TOP3B: variants seen among roughly 807,000 people sequenced by gnomAD.
The protein encoded by TOP3B is DNA topoisomerase III beta.
In TOP3B, 45 loss-of-function variants were observed where a neutral mutation model predicts 93.9. The ratio of observed to expected loss-of-function variants is 0.48; its 90% CI spans 0.38 to 0.61. The LOEUF (loss-of-function observed/expected upper bound fraction) is 0.61. TOP3B is among the 20% of genes least tolerant of loss of function. The pLI is 0.00. For missense variants in TOP3B, 750 were observed against 1,156.1 expected (o/e 0.65, Z 5.09); for synonymous variants, 357 against 472.6 (o/e 0.76, Z 3.17).
rs759769214 is a variant in TOP3B at position 21,970,593 on chromosome 22, C to G, written c.385-187G>C. ...GACCCTCCTCTATCCCCCTGCCTTT[C>G]CAGAAGCCCTGAGCACTCCACAACA... On this transcript the variant is annotated intron_variant, in intron 5 of 17. Coordinates refer to ENST00000357179, the MANE Select transcript of TOP3B (RefSeq NM_001282112.2). The surrounding 1 kb of genome is among the most constrained non-coding windows in gnomAD (Gnocchi z 4.4). 7 of 636,370 alleles carry G rather than the reference C, an allele frequency of 1.1e-5. No homozygotes were observed. In the South Asian group the frequency reaches 1.3e-4, roughly 12 times the overall value. 39.4% of individuals were successfully genotyped at this position (636,370 alleles called of 1,614,324 possible).
chr22:21,958,720 G>A (rs2071036438), intron 16 of TOP3B, 27 bp from the exon 17 acceptor site: 3 of 1,574,574 alleles, frequency 1.9e-6, no homozygotes, highest in East Asian at 2.3e-5. Context: ...CAGGTGGCGT[G>A]AGGGTCACTG....
chr22:21,960,472 G>A (rs201443085), intron 13 of TOP3B, 23 bp from the exon 14 acceptor site: 7 of 1,612,412 alleles, frequency 4.3e-6, no homozygotes, highest in African/African-American at 4.0e-5. Flanking sequence ...AGGCCCCAGG[G>A]TTCCTGGCCT....
At position 21,971,647 on chromosome 22, in the gene TOP3B, T is replaced by C. The variant is rs1173134749; in HGVS notation, c.384+230A>G. On this transcript the variant is annotated intron_variant, in intron 5 of 17. Transcript: ENST00000357179. The surrounding 1 kb of genome is among the most constrained non-coding windows in gnomAD (Gnocchi z 4.6). Reference sequence around the variant, plus strand: ...ATTTGGCCCCTCCTATGTTCACTCATACCGTTGAGGCCTCAGCAAGCGGAG... The same window carrying C: ...ATTTGGCCCCTCCTATGTTCACTCACACCGTTGAGGCCTCAGCAAGCGGAG... 1.7e-6 allele frequency: 1 copy of C among 577,684 alleles called. No individual in the cohort carries two copies. The highest frequency in any genetic ancestry group is 3.2e-6 in the Non-Finnish European group (1 of 315,676). 35.8% of individuals were successfully genotyped at this position (577,684 alleles called of 1,614,324 possible). A position where few individuals can be genotyped will look rare whatever the true frequency, so the allele number is the denominator to read the frequency against.
intron 16 of TOP3B, 185 bp from the exon 17 acceptor site, chr22:21,958,878 T>C: frequency 8.9e-7 from 1 of 1,122,800 alleles, no homozygotes. Flanking sequence ...CTAAAATCTC[T>C]GTGTGTACAT....
chr22:21,979,765 C>T (rs780768219), intron 1 of TOP3B, among the ~76,000 whole-genome samples: 8 of 151,712 alleles, frequency 5.3e-5, no homozygotes, highest in Non-Finnish European at 1.2e-4. Context: ...CGTGGTGAAA[C>T]CCCGTCTCTA....
At chr22:21,964,410 G>C (rs538549712) in intron 9 of TOP3B, 95 bp from the exon 10 acceptor site, 2 of 1,481,364 alleles carry the variant, frequency 1.4e-6, no homozygotes, top group Non-Finnish European at 1.8e-6. Context: ...ATTGTGGCCG[G>C]CCCCTCCTGG....
Position 21,960,333 on chromosome 22 carries a change from A to T in TOP3B, c.1642T>A (p.Tyr548Asn), listed in dbSNP as rs1181318243. ...CTGAGGAACTCACCAATCTTATAGT[A>T]GCCGTGCACCAGGACGATGCCGAGG... Reference protein sequence around the residue: ...TNLGIVLVHGYYKIDAELVLP... With the variant: ...TNLGIVLVHGNYKIDAELVLP... Residue 548 changes from tyrosine to asparagine, a missense_variant, in exon 14 of 18, where the codon TAC becomes AAC. Tyr to Asn is a moderately radical substitution (Grantham distance 143). Transcript: ENST00000357179. The T allele has an allele frequency of 6.2e-7, 1 of 1,613,456 alleles. No homozygotes were observed. Among genetic ancestry groups the T allele is most frequent in the East Asian group, 2.2e-5 (1 of 44,870 alleles).
chr22:21,964,528 C>T, intron 9 of TOP3B: 2 of 599,788 alleles, frequency 3.3e-6, no homozygotes, highest in Non-Finnish European at 5.9e-6. Flanking sequence ...ACCCGTAAGG[C>T]TGAATCCTAC....
At position 21,957,397 on chromosome 22, in the gene TOP3B, T is replaced by C. The variant is rs1485059460; in HGVS notation, c.2306A>G (p.Asp769Gly). 6.7e-7 allele frequency: 1 copy of C among 1,490,150 alleles called. No homozygotes were observed. The highest frequency in any genetic ancestry group is 1.4e-5 in the African/African-American group (1 of 71,830). The allele number at this position is 1,490,150 out of a possible 1,614,324, so 92.3% of individuals were successfully genotyped here. A position where few individuals can be genotyped will look rare whatever the true frequency, so the allele number is the denominator to read the frequency against. ...ENAHRVRVSA[D>G]TCSVCEAALL... ...GGCGGCCTCACAGACACTGCAGGTG[T>C]CGGCGGACACCCGCACGCGGTGGGC... Residue 769 changes from aspartate to glycine, a missense_variant, in exon 18 of 18, where the codon GAC (aspartate) becomes GGC (glycine). By Grantham distance (94) the Asp-to-Gly change is moderately conservative. Coordinates refer to ENST00000357179, the MANE Select transcript of TOP3B (RefSeq NM_001282112.2).
rs761410070 is a variant in TOP3B at position 21,971,831 on chromosome 22, T to A, written c.384+46A>T. 2 of 1,581,274 alleles carry A rather than the reference T, an allele frequency of 1.3e-6. No homozygotes were observed. Among genetic ancestry groups the A allele is most frequent in the East Asian group, 4.5e-5 (2 of 44,684 alleles). ...ACTGCTGGTGTCAGTTTGGGGCTGG[T>A]GTCAGAAAGGCCAAAAGTGAGGAAC... is the stretch of plus-strand genomic sequence containing the variant. On this transcript the variant is annotated intron_variant, in intron 5 of 17. Coordinates refer to ENST00000357179, the MANE Select transcript of TOP3B (RefSeq NM_001282112.2). The surrounding 1 kb of genome is among the most constrained non-coding windows in gnomAD (Gnocchi z 4.6).
At chr22:21,968,571 T>C (rs768118331) in intron 7 of TOP3B, 48 bp downstream of exon 7, 6 of 1,605,996 alleles carry the variant, frequency 3.7e-6, no homozygotes, top group Admixed American at 1.7e-5. Flanking sequence ...TCAGAATCCA[T>C]GCCCCAAACC....
intron 4 of TOP3B, 109 bp downstream of exon 4, chr22:21,972,503 G>GC (rs1183938801): frequency 6.2e-6 from 5 of 801,832 alleles, no homozygotes; most frequent in African/African-American, 5.3e-5. Flanking sequence ...GCTAGCAAAG[G>GC]CCCCCCTGTC....
intron 9 of TOP3B, 83 bp from the exon 10 acceptor site, chr22:21,964,398 C>T: frequency 6.5e-7 from 1 of 1,535,490 alleles, no homozygotes; most frequent in Non-Finnish European, 8.9e-7. Context: ...TCAGGCTCCC[C>T]CATTGTGGCC....
chr22:21,963,986 C>T lies in TOP3B; in HGVS notation c.1141G>A (p.Gly381Ser). The change falls in exon 11 of 18, where the codon GGC becomes AGC. Residue 381 changes from glycine to serine, a missense_variant. Transcript: ENST00000357179. This position sits in a 1 kb window ranked among gnomAD's most constrained non-coding sequence, Gnocchi z 4.8. Reference protein sequence around the residue: ...LAEGINRPRKGHDAGDHPPIT... With the variant: ...LAEGINRPRKSHDAGDHPPIT... ...GGGGGATGGTCGCCGGCGTCATGGC[C>T]TTTCCGCGGGCGGTTGATACCTTCT... 6.2e-7 allele frequency: 1 copy of T among 1,612,404 alleles called. No homozygotes were observed. Among genetic ancestry groups the T allele is most frequent in the African/African-American group, 1.3e-5 (1 of 75,052 alleles).
At position 21,962,789 on chromosome 22, in the gene TOP3B, G is replaced by A. The variant is rs1305407787; in HGVS notation, c.1309C>T (p.Pro437Ser). ...TTCCCGGAGCAGGTGAAGAGCTCGG[G>A]CCCAATTCTGAAGGAGATGGTGCTC... The part of the protein sequence containing the change: ...LQSTISFRIG[P>S]ELFTCSGKTV... The change falls in exon 12 of 18, where the codon CCC (proline) becomes TCC (serine). Residue 437 changes from proline (P) to serine (S), a missense_variant. Physicochemically the swap from Pro to Ser is moderately conservative, Grantham distance 74. Coordinates refer to ENST00000357179, the MANE Select transcript of TOP3B (RefSeq NM_001282112.2). The A allele has an allele frequency of 6.8e-6, 11 of 1,613,534 alleles. No homozygotes were observed. Among genetic ancestry groups the A allele is most frequent in the Non-Finnish European group, 9.3e-6 (11 of 1,179,844 alleles).
chr22:21,959,621 C>T lies in TOP3B; in HGVS notation c.1770G>A (p.Lys590=). The T allele has an allele frequency of 2.5e-6, 4 of 1,613,456 alleles. No homozygotes were observed. Among genetic ancestry groups the T allele is most frequent in the Non-Finnish European group, 3.4e-6 (4 of 1,179,706 alleles). The change falls in exon 15 of 18, where the codon AAG becomes AAA. Residue 590 remains lysine, a synonymous_variant. Transcript: ENST00000357179. ...QVLGHTLDVF[K]RKFHYFVDSI... Reference sequence around the variant, plus strand: ...AGTCGACAAAGTAGTGGAACTTCCTCTTGAACACGTCCAGGGTGTGGCCCA... The same window carrying T: ...AGTCGACAAAGTAGTGGAACTTCCTTTTGAACACGTCCAGGGTGTGGCCCA...
At chr22:21,962,214 C>T in intron 13 of TOP3B, 5 of 1,488,370 alleles carry the variant, frequency 3.4e-6, no homozygotes, top group South Asian at 2.6e-5. Flanking sequence ...TGGGCCTTCA[C>T]AGGGAAGGCC....
chr22:21,980,643 G>C (rs17760000), intron 1 of TOP3B, among the ~76,000 whole-genome samples: 12,131 of 152,264 alleles, frequency 0.08, 586 homozygotes, highest in Middle Eastern at 0.14. Context: ...GTGGAATGAC[G>C]ACACTGTCTG....
In TOP3B at chr22:21,971,239, G is replaced by A; in HGVS notation, c.384+638C>T. 3.0e-6 allele frequency: 1 copy of A among 330,260 alleles called. No individual in the cohort carries two copies. The highest frequency in any genetic ancestry group is 5.9e-6 in the Non-Finnish European group (1 of 170,924). 20.5% of individuals were successfully genotyped at this position (330,260 alleles called of 1,614,324 possible). A position where few individuals can be genotyped will look rare whatever the true frequency, so the allele number is the denominator to read the frequency against. On this transcript the variant is annotated intron_variant, in intron 5 of 17. Coordinates refer to ENST00000357179, the MANE Select transcript of TOP3B (RefSeq NM_001282112.2). The surrounding 1 kb of genome is among the most constrained non-coding windows in gnomAD (Gnocchi z 4.6). ...TGCCTCAGCTCTGTCTCACTGACCA[G>A]CTCTTGAGCCACGGGTGAGAGCTGG...
Sources: allele counts gnomAD v4.1 joint callset (sites outside exome capture counted in the v4.1 genomes callset), GRCh38; gene constraint gnomAD v4.1.1; non-coding constraint Gnocchi (gnomAD v3.1); transcripts MANE v1.5; gene names NCBI Gene and HGNC (gene_info 2026-07-23, HGNC 2026-07-21).